Variants in CTNND2 observed in about 807,000 individuals in gnomAD.
CTNND2 encodes catenin delta-2.
In CTNND2, 22 loss-of-function variants were observed where a neutral mutation model predicts 144.4. The ratio of observed to expected loss-of-function variants is 0.15; its 90% CI spans 0.11 to 0.22. CTNND2 has a LOEUF of 0.22. Among genes scored for constraint, CTNND2 ranks in the 10% least tolerant of loss-of-function variants. The pLI, the probability that CTNND2 is intolerant of heterozygous loss-of-function variation, is 1.00. For synonymous variants in CTNND2, 751 were observed against 695.6 expected (o/e 1.08, Z -1.25); for missense variants, 1,353 against 1,618.8 (o/e 0.84, Z 2.82).
intron 10 of CTNND2, among the ~76,000 whole-genome samples, chr5:11,200,086 A>C (rs1173715393): frequency 1.3e-5 from 2 of 152,246 alleles, no homozygotes; most frequent in African/African-American, 4.8e-5. Flanking sequence ...AATTATGCTT[A>C]ATAGGGATAT....
intron 3 of CTNND2, among the ~76,000 whole-genome samples, chr5:11,427,261 C>T (rs553158655): frequency 1.0e-3 from 152 of 148,564 alleles, no homozygotes; most frequent in African/African-American, 3.7e-3. Flanking sequence ...CCTTTAAACG[C>T]ATTTTCCCAT....
chr5:11,222,544 G>A (rs1051076432), intron 10 of CTNND2, among the ~76,000 whole-genome samples: 4 of 152,190 alleles, frequency 2.6e-5, no homozygotes, highest in African/African-American at 7.2e-5. Flanking sequence ...GTTGGCTCAC[G>A]CCTGTATTCT....
chr5:11,218,558 G>A (rs1446302053), intron 10 of CTNND2, among the ~76,000 whole-genome samples: 1 of 152,086 alleles, frequency 6.6e-6, no homozygotes, highest in African/African-American at 2.4e-5. Flanking sequence ...CTTTTTCTCA[G>A]AAACTAGGAT....
At chr5:11,653,637 T>C (rs1782764008) in intron 2 of CTNND2, among the ~76,000 whole-genome samples, 1 of 152,158 alleles carries the variant, frequency 6.6e-6, no homozygotes, top group African/African-American at 2.4e-5. Flanking sequence ...ATTTTGGATA[T>C]TAGCCTTCTA....
intron 2 of CTNND2, among the ~76,000 whole-genome samples, chr5:11,603,288 C>T (rs950094042): frequency 6.6e-6 from 1 of 152,164 alleles, no homozygotes; most frequent in Non-Finnish European, 1.5e-5. Context: ...TGAACATCAA[C>T]AGTTCTGGTT....
chr5:11,151,631 AT>A (rs1757766848), intron 12 of CTNND2, among the ~76,000 whole-genome samples: 1 of 152,224 alleles, frequency 6.6e-6, no homozygotes, highest in African/African-American at 2.4e-5. Flanking sequence ...AGAAGCCCAT[AT>A]TTGCAACCAA....
At chr5:11,018,125 TGTA>T (rs1257691093) in intron 17 of CTNND2, 67 bp from the exon 18 acceptor site, 2 of 1,099,192 alleles carry the variant, frequency 1.8e-6, no homozygotes, top group Non-Finnish European at 2.8e-6. Context: ...CTGTAATTCT[TGTA>T]GTATTTCAAA....
intron 9 of CTNND2, among the ~76,000 whole-genome samples, chr5:11,291,976 T>TA (rs2150016213): frequency 6.6e-6 from 1 of 152,196 alleles, no homozygotes; most frequent in South Asian, 2.1e-4. Flanking sequence ...CATCCTGACC[T>TA]ATCCACCCCA....
At chr5:11,494,267 T>C (rs1332282750) in intron 3 of CTNND2, among the ~76,000 whole-genome samples, 1 of 152,144 alleles carries the variant, frequency 6.6e-6, no homozygotes, top group Non-Finnish European at 1.5e-5. Context: ...CAATTTGTTG[T>C]TATATAATCA....
At chr5:11,857,684 A>G (rs1282610541) in intron 1 of CTNND2, among the ~76,000 whole-genome samples, 1 of 152,158 alleles carries the variant, frequency 6.6e-6, no homozygotes, top group Non-Finnish European at 1.5e-5. Flanking sequence ...ATATTTAATA[A>G]ATTTGAGCTG....
At chr5:11,717,056 C>T (rs1485848013) in intron 2 of CTNND2, among the ~76,000 whole-genome samples, 4 of 151,402 alleles carry the variant, frequency 2.6e-5, no homozygotes, top group South Asian at 2.1e-4. Context: ...TTAGTAAAGA[C>T]GGGGTTTCGC....
rs546437506 is a variant in CTNND2 at position 11,841,944 on chromosome 5, C to G, written c.37+61873G>C. Among the ~76,000 whole-genome samples, 32 of 151,972 alleles carry G rather than the reference C, an allele frequency of 2.1e-4. No individual in the cohort carries two copies. In the South Asian group the frequency reaches 6.7e-3, roughly 32 times the overall value. On this transcript the variant is annotated intron_variant, in intron 1 of 21. Transcript: ENST00000304623. ...ACCTCTCATCCCTAGAGGTGAAGGT[C>G]TGCTCTCTTCTTTTTAATCTGATAA...
intron 9 of CTNND2, among the ~76,000 whole-genome samples, chr5:11,304,270 T>A (rs536962749): frequency 6.6e-6 from 1 of 152,210 alleles, no homozygotes; most frequent in African/African-American, 2.4e-5. Context: ...CGTTTCATTA[T>A]TTTTTATTTG....
intron 3 of CTNND2, among the ~76,000 whole-genome samples, chr5:11,496,467 C>A (rs184592750): frequency 1.1e-3 from 168 of 152,270 alleles, no homozygotes; most frequent in Non-Finnish European, 2.2e-3. Flanking sequence ...ATGCACATGA[C>A]GCAGAAAATA....
chr5:11,411,800 A>G, intron 4 of CTNND2, 148 bp from the exon 5 acceptor site: 1 of 708,188 alleles, frequency 1.4e-6, no homozygotes, highest in Non-Finnish European at 2.3e-6. Flanking sequence ...ATTTTTGGTC[A>G]ACCAACATTA....
At chr5:11,293,113 G>T (rs1236771541) in intron 9 of CTNND2, among the ~76,000 whole-genome samples, 1 of 106,998 alleles carries the variant, frequency 9.3e-6, no homozygotes, top group Non-Finnish European at 1.9e-5. Context: ...TGCAAACAAA[G>T]GCTGGCTTAG....
rs1794820997 is a variant in CTNND2, at chr5:11,847,861, C to T, written c.37+55956G>A. ...TTTTAAATAAGCATAATTATGACAACATATCTACAGATATTTTCATTAATG... is the reference window on the plus strand; with the variant it reads ...TTTTAAATAAGCATAATTATGACAATATATCTACAGATATTTTCATTAATG... On this transcript the variant is annotated intron_variant, in intron 1 of 21. Transcript: ENST00000304623. Among the ~76,000 whole-genome samples the T allele has an allele frequency of 2.6e-5, 4 of 152,052 alleles. No homozygotes were observed. In the South Asian group the frequency reaches 8.3e-4, roughly 31 times the overall value.
At chr5:11,199,165 G>C (rs1014252535) in intron 11 of CTNND2, among the ~76,000 whole-genome samples, 7 of 152,028 alleles carry the variant, frequency 4.6e-5, no homozygotes, top group Admixed American at 3.9e-4. Flanking sequence ...AAGAGCCCTG[G>C]GTATTGTACG....
chr5:11,608,337 T>C (rs2561632), intron 2 of CTNND2, among the ~76,000 whole-genome samples: 77,423 of 151,998 alleles, frequency 0.51, 20,414 homozygotes, highest in Middle Eastern at 0.71. Flanking sequence ...ATCTAGGCAA[T>C]TGCCTACTTC....
Sources: allele counts gnomAD v4.1 joint callset (sites outside exome capture counted in the v4.1 genomes callset), GRCh38; gene constraint gnomAD v4.1.1; transcripts MANE v1.5; gene names NCBI Gene and HGNC (gene_info 2026-07-23, HGNC 2026-07-21).